MPP7: variants seen among roughly 807,000 people sequenced by gnomAD.
The protein encoded by MPP7 is MAGUK p55 subfamily member 7.
MPP7 carries 60 observed loss-of-function variants against 76.5 expected under a neutral mutation model. The ratio of observed to expected loss-of-function variants is 0.78; its 90% CI spans 0.64 to 0.97. The LOEUF (loss-of-function observed/expected upper bound fraction) is 0.97. MPP7 is among the 50% of genes least tolerant of loss of function. The pLI is 0.00. For missense variants in MPP7, 641 were observed against 694.0 expected, an observed-to-expected ratio of 0.92 and a Z score of 0.86; for synonymous variants, 237 against 244.5, an observed-to-expected ratio of 0.97 and a Z score of 0.29.
Position 28,110,875 on chromosome 10 carries a change from A to G in MPP7, c.952+8776T>C, listed in dbSNP as rs566643413. Among the ~76,000 whole-genome samples, 12 of 152,322 alleles carry G rather than the reference A, an allele frequency of 7.9e-5. No individual in the cohort carries two copies. In the South Asian group the frequency reaches 1.7e-3, roughly 21 times the overall value. ...TTAAGACTACTGACAGAATAAAAAT[A>G]TAATGTATTATTTCAGATTACATTC... On this transcript the variant is annotated intron_variant, in intron 11 of 16. Coordinates refer to ENST00000683449, the MANE Select transcript of MPP7 (RefSeq NM_001318170.2).
intron 2 of MPP7, among the ~76,000 whole-genome samples, chr10:28,309,764 G>T (rs1001784381): frequency 6.6e-6 from 1 of 152,150 alleles, no homozygotes; most frequent in African/African-American, 2.4e-5. Flanking sequence ...TCGTGGCTTG[G>T]TGCCATCCTT....
chr10:28,214,587 C>T (rs756817344), intron 2 of MPP7, among the ~76,000 whole-genome samples: 4 of 152,106 alleles, frequency 2.6e-5, no homozygotes, highest in African/African-American at 4.8e-5. Context: ...CTGGAGATGC[C>T]GTGACGATGA....
chr10:28,117,785 ATT>A (rs1436649011), intron 11 of MPP7, among the ~76,000 whole-genome samples: 1 of 152,100 alleles, frequency 6.6e-6, no homozygotes. Flanking sequence ...ACAGAAATAT[ATT>A]GTCTCTCTGA....
chr10:28,144,631 C>A (rs1165963654), intron 5 of MPP7, among the ~76,000 whole-genome samples: 1 of 152,098 alleles, frequency 6.6e-6, no homozygotes, highest in Non-Finnish European at 1.5e-5. Context: ...TCACATCCCA[C>A]CCCCAACCCA....
At chr10:28,286,587 T>C (rs1439296021) in intron 1 of MPP7, among the ~76,000 whole-genome samples, 1 of 152,138 alleles carries the variant, frequency 6.6e-6, no homozygotes, top group Non-Finnish European at 1.5e-5. Context: ...GTTCTCAAAG[T>C]GCTCCAAGAC....
At chr10:28,206,089 T>C (rs140308803) in intron 2 of MPP7, among the ~76,000 whole-genome samples, 114 of 152,272 alleles carry the variant, frequency 7.5e-4, no homozygotes, top group African/African-American at 2.5e-3. Context: ...TTCTGTTCAT[T>C]ACAAATTGCC....
chr10:28,230,282 C>T (rs960100711), intron 2 of MPP7, among the ~76,000 whole-genome samples: 3 of 151,978 alleles, frequency 2.0e-5, no homozygotes, highest in African/African-American at 7.2e-5. Context: ...AAAAGTCAGT[C>T]ATTACGTTAA....
intron 3 of MPP7, among the ~76,000 whole-genome samples, chr10:28,155,598 C>CAAAAAAAAAAAAAAAAAAA (rs71391013): frequency 8.0e-6 from 1 of 124,618 alleles, no homozygotes; most frequent in African/African-American, 3.3e-5. Context: ...ACCCTGTCTC[C>CAAAAAAAAAAAAAAAAAAA]AAAAAAAAAA....
At chr10:28,102,499 G>T (rs1853872387) in intron 11 of MPP7, among the ~76,000 whole-genome samples, 2 of 152,148 alleles carry the variant, frequency 1.3e-5, no homozygotes, top group South Asian at 4.1e-4. Flanking sequence ...ATTAAATATG[G>T]TTTTAAAGTA....
intron 3 of MPP7, among the ~76,000 whole-genome samples, chr10:28,195,191 G>A (rs958964066): frequency 5.3e-5 from 8 of 152,070 alleles, no homozygotes; most frequent in African/African-American, 1.9e-4. Context: ...ATCACAATGA[G>A]GTACCACTTC....
At chr10:28,250,882 G>A (rs1461918046) in intron 1 of MPP7, among the ~76,000 whole-genome samples, 1 of 152,164 alleles carries the variant, frequency 6.6e-6, no homozygotes, top group East Asian at 1.9e-4. Flanking sequence ...GTAAGTATAG[G>A]TGTCAACAAA....
At chr10:28,145,500 C>A (rs1170731759) in intron 5 of MPP7, among the ~76,000 whole-genome samples, 2 of 151,990 alleles carry the variant, frequency 1.3e-5, no homozygotes, top group African/African-American at 2.4e-5. Flanking sequence ...CTGATTATAT[C>A]CTGAAATAGT....
chr10:28,220,292 A>T (rs78622771), intron 2 of MPP7, among the ~76,000 whole-genome samples: 1,832 of 152,284 alleles, frequency 0.012, 39 homozygotes, highest in African/African-American at 0.042. Flanking sequence ...TTTGATTTTT[A>T]GCAGTATTCA....
chr10:28,109,865 A>AAAAAAAAAAAAAAAAAAAAAAT (rs1834446668), intron 11 of MPP7, among the ~76,000 whole-genome samples: 1 of 149,258 alleles, frequency 6.7e-6, no homozygotes, highest in African/African-American at 2.5e-5. Context: ...AAAAAAAAAA[A>AAAAAAAAAAAAAAAAAAAAAAT]AAAAAAAACA....
At chr10:28,163,538 AG>A (rs1836335916) in intron 3 of MPP7, among the ~76,000 whole-genome samples, 1 of 152,218 alleles carries the variant, frequency 6.6e-6, no homozygotes, top group African/African-American at 2.4e-5. Flanking sequence ...CCCAGGGACC[AG>A]GATAGGCAAG....
chr10:28,129,611 T>A (rs1183427277), intron 6 of MPP7, among the ~76,000 whole-genome samples: 1 of 151,994 alleles, frequency 6.6e-6, no homozygotes, highest in Non-Finnish European at 1.5e-5. Context: ...AAATTTACTT[T>A]ATTTATTTCC....
chr10:28,315,380 G>A (rs911410524), intron 2 of MPP7, among the ~76,000 whole-genome samples: 4 of 151,682 alleles, frequency 2.6e-5, no homozygotes, highest in Admixed American at 2.0e-4. Context: ...AAGGAAGAGA[G>A]GGAGGGAGGG....
intron 2 of MPP7, among the ~76,000 whole-genome samples, chr10:28,212,055 G>A (rs1320698996): frequency 6.6e-6 from 1 of 152,060 alleles, no homozygotes; most frequent in East Asian, 1.9e-4. Context: ...CTAGGCTGTA[G>A]TGAGCCATGA....
upstream of MPP7, among the ~76,000 whole-genome samples, chr10:28,304,017 CA>C (rs146934440): frequency 3.4e-5 from 5 of 148,694 alleles, no homozygotes; most frequent in Admixed American, 6.7e-5. Flanking sequence ...AAGCAGAAGA[CA>C]AAAAAAAATC....
Sources: gnomAD v4.1 joint callset for allele counts (sites outside exome capture counted in the v4.1 genomes callset) on GRCh38, gnomAD v4.1.1 for gene constraint, MANE v1.5 for transcripts, NCBI Gene and HGNC (gene_info 2026-07-23, HGNC 2026-07-21) for gene names.